The following DPYSL4 variants were observed in gnomAD, a reference collection of about 807,000 sequenced individuals.
The protein encoded by DPYSL4 is dihydropyrimidinase like 4, also known as dihydropyrimidinase-related protein 4.
Under a neutral mutation model 63.4 loss-of-function variants are expected in DPYSL4, and 43 were observed. The observed-to-expected ratio is 0.68, with a 90% CI of 0.53 to 0.88. DPYSL4 has a LOEUF of 0.88. DPYSL4 is among the 40% of genes least tolerant of loss of function. The pLI, the probability that DPYSL4 is intolerant of heterozygous loss-of-function variation, is 0.00. For synonymous variants in DPYSL4, 353 were observed against 331.7 expected, an observed-to-expected ratio of 1.06 and a Z score of -0.70; for missense variants, 733 against 819.5, an observed-to-expected ratio of 0.89 and a Z score of 1.29.
At position 132,204,879 on chromosome 10, in the gene DPYSL4, G is replaced by A; in HGVS notation, c.1668G>A (p.Gln556=). ...ADDHIARRTA[Q]KIMAPPGGRS... ...ACCACATCGCCCGACGCACAGCACA[G>A]AAGATCATGGCACCACCTGGCGGCC... The change falls in exon 14 of 14, where the codon CAG becomes CAA. Residue 556 remains glutamine (Q), a synonymous_variant. Transcript: ENST00000338492. 1 of 1,612,934 alleles carries A rather than the reference G, an allele frequency of 6.2e-7. No homozygotes were observed. The highest frequency in any genetic ancestry group is 1.1e-5 in the South Asian group (1 of 90,978).
At chr10:132,192,445 G>C (rs1427918999) in intron 2 of DPYSL4, 7 of 1,238,034 alleles carry the variant, frequency 5.7e-6, no homozygotes, top group Non-Finnish European at 7.1e-6. Context: ...TCTGCGTGAG[G>C]CTGGACCCTG....
chr10:132,200,459 C>A lies in DPYSL4; in HGVS notation c.915C>A (p.Pro305=). The change falls in exon 9 of 14, where the codon CCC becomes CCA. Residue 305 remains proline, a synonymous_variant. Coordinates refer to ENST00000338492, the MANE Select transcript of DPYSL4 (RefSeq NM_006426.3). ...WAKAAAFVTS[P]PVNPDPTTAD... ...AGGCCGCAGCCTTCGTCACATCACC[C>A]CCTGTCAACCCAGACCCCACCACGG... 6.2e-7 allele frequency: 1 copy of A among 1,613,504 alleles called. No individual in the cohort carries two copies. The highest frequency in any genetic ancestry group is 1.1e-5 in the South Asian group (1 of 91,084).
intron 13 of DPYSL4, 80 bp from the exon 14 acceptor site, chr10:132,204,759 C>A: frequency 7.7e-7 from 1 of 1,298,208 alleles, no homozygotes; most frequent in Non-Finnish European, 1.1e-6. Flanking sequence ...GACGCAGCCA[C>A]TGACTCTGCC....
rs376218842 is a variant in DPYSL4, at chr10:132,205,005, C to T, written c.*75C>T. On this transcript the variant is annotated 3_prime_UTR_variant, in exon 14 of 14. Coordinates refer to ENST00000338492, the MANE Select transcript of DPYSL4 (RefSeq NM_006426.3). ...GGGGCCCCAGGGCACTCGCCCCCCT[C>T]CTTAGCATTTTCTTTTGTAGAAGTT... 3 of 1,214,292 alleles carry T rather than the reference C, an allele frequency of 2.5e-6. No homozygotes were observed. The highest frequency in any genetic ancestry group is 1.5e-5 in the African/African-American group (1 of 65,036). The allele number at this position is 1,214,292 out of a possible 1,614,324, so 75.2% of individuals were successfully genotyped here.
Position 132,201,948 on chromosome 10 carries a change from C to A in DPYSL4, c.1113C>A (p.Ala371=), listed in dbSNP as rs1223531363. 1 of 1,611,954 alleles carries A rather than the reference C, an allele frequency of 6.2e-7. No homozygotes were observed. The highest frequency in any genetic ancestry group is 8.5e-7 in the Non-Finnish European group (1 of 1,179,136). Reference sequence around the variant, plus strand: ...AGCTCAGCCTTCTTGTTCCCCAGGCCTCTGGGAAGATGGACGAGAATGAGT... The same window carrying A: ...AGCTCAGCCTTCTTGTTCCCCAGGCATCTGGGAAGATGGACGAGAATGAGT... ...RMSMVWEKCV[A]SGKMDENEFV... is the part of the protein sequence containing the mutation. Residue 371 remains alanine (A), a splice_region_variant and synonymous_variant, in exon 11 of 14, where the codon GCC becomes GCA. Coordinates refer to ENST00000338492, the MANE Select transcript of DPYSL4 (RefSeq NM_006426.3).
Position 132,200,409 on chromosome 10 carries a change from C to T in DPYSL4, c.865C>T (p.His289Tyr), listed in dbSNP as rs2061997993. The change falls in exon 9 of 14, where the codon CAC (histidine) becomes TAC (tyrosine). Residue 289 changes from histidine to tyrosine, a missense_variant. His to Tyr is a moderately conservative substitution (Grantham distance 83, BLOSUM62 2). Transcript: ENST00000338492. ...CGCCAGCCTGGGCACCGACGGTTCA[C>T]ACTACTGGAGCAAGAACTGGGCCAA... Reference protein sequence around the residue: ...ITASLGTDGSHYWSKNWAKAA... With the variant: ...ITASLGTDGSYYWSKNWAKAA... 1.2e-6 allele frequency: 2 copies of T among 1,613,446 alleles called. No individual in the cohort carries two copies. Among genetic ancestry groups the T allele is most frequent in the Non-Finnish European group, 1.7e-6 (2 of 1,179,946 alleles).
At chr10:132,195,403 CAAGTT>C (rs1257678668) in intron 4 of DPYSL4, among the ~76,000 whole-genome samples, 1 of 152,206 alleles carries the variant, frequency 6.6e-6, no homozygotes, top group African/African-American at 2.4e-5. Context: ...AGTCTATAAA[CAAGTT>C]AACATTTTTC....
In DPYSL4 at chr10:132,203,940, T is replaced by C. The variant is rs761043788; in HGVS notation, c.1627+13T>C. On this transcript the variant is annotated intron_variant, in intron 13 of 13. Coordinates refer to ENST00000338492, the MANE Select transcript of DPYSL4 (RefSeq NM_006426.3). ...TTCAGCCTATCTGGTGAGTTGGGCC[T>C]GGGGCACCAGTGGGGGTGAGGGGCT... is the stretch of plus-strand genomic sequence containing the variant. The C allele has an allele frequency of 3.8e-6, 6 of 1,587,404 alleles. No individual in the cohort carries two copies. The highest frequency in any genetic ancestry group is 5.2e-6 in the Non-Finnish European group (6 of 1,160,652).
chr10:132,198,614 G>A lies in DPYSL4; in HGVS notation c.690+131G>A, dbSNP rs780234784. On this transcript the variant is annotated intron_variant, in intron 7 of 13. Coordinates refer to ENST00000338492, the MANE Select transcript of DPYSL4 (RefSeq NM_006426.3). ...CTCGCCCCGACCTCATCTGGGAGGC[G>A]TGAATCCTCCCCGTGCCAGGCACTT... 5.6e-5 allele frequency: 60 copies of A among 1,078,004 alleles called. 1 individual carries two copies. The highest frequency in any genetic ancestry group is 2.0e-4 in the South Asian group (13 of 63,734). 66.8% of individuals were successfully genotyped at this position (1,078,004 alleles called of 1,614,324 possible).
intron 13 of DPYSL4, among the ~76,000 whole-genome samples, chr10:132,204,332 G>A (rs1340702915): frequency 3.3e-5 from 5 of 152,188 alleles, no homozygotes; most frequent in African/African-American, 4.8e-5. Context: ...TCTGAGCTGT[G>A]TCCCGGGGCC....
Position 132,203,791 on chromosome 10 carries a change from A to G in DPYSL4, c.1491A>G (p.Gly497=), listed in dbSNP as rs12313. The G allele has an allele frequency of 0.82, 1,324,981 of 1,611,336 alleles. 545,817 individuals are homozygous for G. Among genetic ancestry groups the G allele is most frequent in the East Asian group, 0.96 (42,795 of 44,792 alleles). The stretch of plus-strand genomic sequence containing the variant: ...CGGAGATCCACGGTGTGCCCCGTGG[A>G]CTGTATGACGGGCCCGTCCACGAGG... ...RLAEIHGVPR[G]LYDGPVHEVM... is the part of the protein sequence containing the mutation. The change falls in exon 13 of 14, where the codon GGA becomes GGG. Residue 497 remains glycine (G), a synonymous_variant. Transcript: ENST00000338492.
At chr10:132,203,367 G>T (rs1378537748) in intron 12 of DPYSL4, among the ~76,000 whole-genome samples, 2 of 152,158 alleles carry the variant, frequency 1.3e-5, no homozygotes. Context: ...AGCAGGTGTG[G>T]TCTCCCCAGA....
Position 132,202,131 on chromosome 10 carries a change from C to T in DPYSL4, c.1281+15C>T. The stretch of plus-strand genomic sequence containing the variant: ...CCCACAATCTGGTAAGAGAAGGCGG[C>T]TGTAAGTCAGGGTTGGCCTTTGTGG... On this transcript the variant is annotated intron_variant, in intron 11 of 13. Coordinates refer to ENST00000338492, the MANE Select transcript of DPYSL4 (RefSeq NM_006426.3). The T allele has an allele frequency of 6.2e-7, 1 of 1,607,924 alleles. No homozygotes were observed. The highest frequency in any genetic ancestry group is 8.5e-7 in the Non-Finnish European group (1 of 1,176,756).
At position 132,205,618 on chromosome 10, in the gene DPYSL4, G is replaced by GTATT. The variant is rs951493771; in HGVS notation, c.*690_*693dup. 6.6e-6 allele frequency: 1 copy of GTATT among 152,404 alleles called. No homozygotes were observed. The highest frequency in any genetic ancestry group is 2.4e-5 in the African/African-American group (1 of 41,472). 9.4% of individuals were successfully genotyped at this position (152,404 alleles called of 1,614,324 possible). A position where few individuals can be genotyped will look rare whatever the true frequency, so the allele number is the denominator to read the frequency against. On this transcript the variant is annotated 3_prime_UTR_variant, in exon 14 of 14. Transcript: ENST00000338492. ...ACACTGTCCTCTTATTACAGATTGT[G>GTATT]TATTTCCGTAGGCTTCTTAGTAGCA...
intron 10 of DPYSL4, among the ~76,000 whole-genome samples, chr10:132,201,375 A>G (rs2137521758): frequency 6.6e-6 from 1 of 152,116 alleles, no homozygotes; most frequent in East Asian, 1.9e-4. Context: ...CGGGCAACTG[A>G]GCTCTTCCCC....
chr10:132,192,882 C>A, intron 3 of DPYSL4, 40 bp downstream of exon 3: 1 of 1,545,096 alleles, frequency 6.5e-7, no homozygotes, highest in South Asian at 1.2e-5. Context: ...GGGCAGCCAG[C>A]GTCTGCTGCC....
chr10:132,194,403 C>T lies in DPYSL4; in HGVS notation c.314-442C>T, dbSNP rs186405507. 2.1e-4 allele frequency among the ~76,000 whole-genome samples: 32 copies of T among 152,350 alleles called. No homozygotes were observed. In the East Asian group the frequency reaches 4.4e-3, roughly 21 times the overall value. ...AAGTCTTGTGGGGCACTCGGGAAAC[C>T]AGCCCAGCTCCCACTGTTCTAGGAA... On this transcript the variant is annotated intron_variant, in intron 3 of 13. Transcript: ENST00000338492.
chr10:132,202,775 C>A lies in DPYSL4; in HGVS notation c.1411C>A (p.Arg471=). 6.2e-7 allele frequency: 1 copy of A among 1,611,774 alleles called. No individual in the cohort carries two copies. The highest frequency in any genetic ancestry group is 8.5e-7 in the Non-Finnish European group (1 of 1,179,240). Residue 471 remains arginine, a synonymous_variant, in exon 12 of 14, where the codon CGG becomes AGG. Coordinates refer to ENST00000338492, the MANE Select transcript of DPYSL4 (RefSeq NM_006426.3). ...VTPGAGRFVP[R]KTFPDFVYKR... is the part of the protein sequence containing the mutation. ...CCCGGGGGCGGGCCGCTTCGTCCCT[C>A]GGAAAACATTCCCGGACTTTGTCTA...
Position 132,186,994 on chromosome 10 carries a change from T to TCCGGCCC in DPYSL4, c.-68_-67insGGCCCCC, listed in dbSNP as rs1304489463. The TCCGGCCC allele has an allele frequency of 8.1e-4, 178 of 218,958 alleles. No individual in the cohort carries two copies. The highest frequency in any genetic ancestry group is 3.4e-3 in the South Asian group (46 of 13,454). 13.6% of individuals were successfully genotyped at this position (218,958 alleles called of 1,614,324 possible). On this transcript the variant is annotated 5_prime_UTR_variant, in exon 1 of 14. Coordinates refer to ENST00000338492, the MANE Select transcript of DPYSL4 (RefSeq NM_006426.3). ...CCACGCACGCGTCCCGGCTCACGCGTCCCCCCGCCCGCCCGCCCGCCCGCC... is the reference window on the plus strand; with the variant it reads ...CCACGCACGCGTCCCGGCTCACGCGTCCGGCCCCCCCCCGCCCGCCCGCCCGCCCGCC...
Sources: allele counts gnomAD v4.1 joint callset (sites outside exome capture counted in the v4.1 genomes callset), GRCh38; gene constraint gnomAD v4.1.1; transcripts MANE v1.5; gene names NCBI Gene and HGNC (gene_info 2026-07-23, HGNC 2026-07-21).